Variants in GPC6 observed in about 807,000 individuals in gnomAD.
GPC6 encodes glypican-6.
A neutral mutation model predicts 55.2 loss-of-function variants in GPC6; 14 were observed. That is an observed-to-expected ratio of 0.25 (90% CI 0.17 to 0.40). The LOEUF is 0.40. Among genes scored for constraint, GPC6 ranks in the 10% least tolerant of loss-of-function variants. The pLI is 1.00. For synonymous variants in GPC6, 278 were observed against 259.6 expected, an observed-to-expected ratio of 1.07 and a Z score of -0.68; for missense variants, 641 against 708.5, an observed-to-expected ratio of 0.90 and a Z score of 1.08.
intron 2 of GPC6, among the ~76,000 whole-genome samples, chr13:93,732,806 A>C (rs1274659745): frequency 7.0e-6 from 1 of 143,714 alleles, no homozygotes; most frequent in African/African-American, 2.4e-5. Context: ...CAGCTACATT[A>C]AAAAAGTAAA....
intron 6 of GPC6, among the ~76,000 whole-genome samples, chr13:94,309,153 G>C (rs1316521523): frequency 6.6e-6 from 1 of 152,160 alleles, no homozygotes; most frequent in Non-Finnish European, 1.5e-5. Context: ...AATTGGAAAA[G>C]ATTTCTCTTC....
chr13:94,125,204 T>G (rs1014789582), intron 4 of GPC6, among the ~76,000 whole-genome samples: 1 of 152,134 alleles, frequency 6.6e-6, no homozygotes, highest in African/African-American at 2.4e-5. Context: ...GTTATGTAAA[T>G]TTCTATTTTA....
chr13:93,756,973 T>A (rs1884791546), intron 2 of GPC6, among the ~76,000 whole-genome samples: 1 of 152,196 alleles, frequency 6.6e-6, no homozygotes, highest in African/African-American at 2.4e-5. Flanking sequence ...GAAAATATAC[T>A]CTAATTGCTC....
chr13:94,271,147 T>C (rs542354894), intron 4 of GPC6, among the ~76,000 whole-genome samples: 67 of 144,590 alleles, frequency 4.6e-4, no homozygotes, highest in Admixed American at 6.9e-4. Context: ...CCCGCCACCA[T>C]GCCCGGCTAA....
rs1352743515 is a variant in GPC6, at chr13:93,568,551, A to C, written c.319+23130A>C. On this transcript the variant is annotated intron_variant, in intron 2 of 8. Transcript: ENST00000377047. The stretch of plus-strand genomic sequence containing the variant: ...ACATACCATGAGGAACAAAGAGGGG[A>C]GAAAGTTAAAGGAAACAGTCACTGG... Among the ~76,000 whole-genome samples, 4 of 152,226 alleles carry C rather than the reference A, an allele frequency of 2.6e-5. No individual in the cohort carries two copies. The East Asian group carries it at 7.7e-4, about 29-fold the overall frequency.
intron 4 of GPC6, among the ~76,000 whole-genome samples, chr13:94,117,768 C>T (rs1301776667): frequency 6.6e-6 from 1 of 152,032 alleles, no homozygotes; most frequent in Non-Finnish European, 1.5e-5. Flanking sequence ...CCATTTTAGG[C>T]CAGCTTCCCA....
At chr13:93,287,043 CTA>C (rs1878152774) in intron 1 of GPC6, among the ~76,000 whole-genome samples, 1 of 152,050 alleles carries the variant, frequency 6.6e-6, no homozygotes, top group African/African-American at 2.4e-5. Flanking sequence ...TACCTTCAGA[CTA>C]TGTGTATGAG....
chr13:94,244,264 G>A (rs934974334), intron 4 of GPC6, among the ~76,000 whole-genome samples: 5 of 152,076 alleles, frequency 3.3e-5, no homozygotes, highest in South Asian at 2.1e-4. Flanking sequence ...ACGTAACTCC[G>A]CAAAGCTTAA....
chr13:93,739,726 G>T (rs1330473379), intron 2 of GPC6, among the ~76,000 whole-genome samples: 1 of 152,154 alleles, frequency 6.6e-6, no homozygotes, highest in Non-Finnish European at 1.5e-5. Flanking sequence ...ACCATGCCCA[G>T]CCTTCAAATA....
At chr13:94,398,397 A>C in intron 7 of GPC6, 69 bp from the exon 8 acceptor site, 1 of 1,169,158 alleles carries the variant, frequency 8.6e-7, no homozygotes, top group South Asian at 1.2e-5. Flanking sequence ...CTGGTTTTGC[A>C]TGGCAGCATC....
intron 4 of GPC6, among the ~76,000 whole-genome samples, chr13:94,063,658 C>T (rs1016022574): frequency 6.6e-6 from 1 of 152,038 alleles, no homozygotes; most frequent in Non-Finnish European, 1.5e-5. Context: ...TCTCAAAGCC[C>T]GAGCCTTCCT....
intron 1 of GPC6, among the ~76,000 whole-genome samples, chr13:93,280,803 A>G (rs1014801433): frequency 2.6e-5 from 4 of 152,220 alleles, no homozygotes; most frequent in African/African-American, 9.6e-5. Flanking sequence ...TTTCAGGATT[A>G]AAGTGTTCCA....
chr13:93,952,946 G>A (rs937827293), intron 3 of GPC6, among the ~76,000 whole-genome samples: 3 of 148,800 alleles, frequency 2.0e-5, no homozygotes, highest in African/African-American at 7.4e-5. Flanking sequence ...CCTTGAAACC[G>A]TTTGGCTCAA....
intron 2 of GPC6, among the ~76,000 whole-genome samples, chr13:93,566,573 T>G (rs2139467003): frequency 6.6e-6 from 1 of 152,248 alleles, no homozygotes; most frequent in East Asian, 1.9e-4. Flanking sequence ...TTTTTTTCTT[T>G]TTGTTATTAT....
At chr13:93,825,264 G>A (rs1594491283) in intron 2 of GPC6, among the ~76,000 whole-genome samples, 1 of 152,090 alleles carries the variant, frequency 6.6e-6, no homozygotes, top group East Asian at 1.9e-4. Flanking sequence ...GTAGAGGCCA[G>A]GCATACTACT....
intron 1 of GPC6, among the ~76,000 whole-genome samples, chr13:93,277,118 G>A (rs1030429396): frequency 2.6e-5 from 4 of 152,076 alleles, no homozygotes; most frequent in Admixed American, 6.5e-5. Context: ...GCCCTCTGCC[G>A]ATTCCTAAAT....
intron 2 of GPC6, among the ~76,000 whole-genome samples, chr13:93,660,623 C>T (rs1443130860): frequency 1.3e-5 from 2 of 152,138 alleles, no homozygotes; most frequent in Non-Finnish European, 2.9e-5. Flanking sequence ...GTAGTCTTTG[C>T]ATACAATTTA....
intron 7 of GPC6, among the ~76,000 whole-genome samples, chr13:94,390,724 C>A (rs1023676435): frequency 6.6e-6 from 1 of 152,152 alleles, no homozygotes; most frequent in African/African-American, 2.4e-5. Flanking sequence ...CAAACCATAT[C>A]AGTGGGAATT....
intron 4 of GPC6, among the ~76,000 whole-genome samples, chr13:94,239,059 C>T (rs918756399): frequency 6.6e-6 from 1 of 152,062 alleles, no homozygotes. Flanking sequence ...GTGAATACAA[C>T]GCAAAACATT....
Sources: gnomAD v4.1 joint callset for allele counts (sites outside exome capture counted in the v4.1 genomes callset) on GRCh38, gnomAD v4.1.1 for gene constraint, MANE v1.5 for transcripts, NCBI Gene and HGNC (gene_info 2026-07-23, HGNC 2026-07-21) for gene names.